The following EDEM3 variants were observed in gnomAD, a reference collection of about 807,000 sequenced individuals.
EDEM3 encodes the protein ER degradation enhancing alpha-mannosidase like protein 3.
A neutral mutation model predicts 110.2 loss-of-function variants in EDEM3; 60 were observed. The observed-to-expected ratio is 0.54, with a 90% CI of 0.44 to 0.67. The LOEUF (loss-of-function observed/expected upper bound fraction) is 0.67. EDEM3 is among the 30% of genes least tolerant of loss of function. EDEM3 has a pLI of 0.00. For missense variants in EDEM3, 996 were observed against 1,121.0 expected, an observed-to-expected ratio of 0.89 and a Z score of 1.59; for synonymous variants, 352 against 382.9, an observed-to-expected ratio of 0.92 and a Z score of 0.94.
intron 19 of EDEM3, among the ~76,000 whole-genome samples, chr1:184,699,222 T>G (rs2102057281): frequency 6.6e-6 from 1 of 151,972 alleles, no homozygotes; most frequent in African/African-American, 2.4e-5. Flanking sequence ...CATTAAATGT[T>G]TACTGAAAGC....
chr1:184,717,927 T>C (rs1650643199), intron 11 of EDEM3, among the ~76,000 whole-genome samples: 1 of 152,046 alleles, frequency 6.6e-6, no homozygotes, highest in African/African-American at 2.4e-5. Context: ...AATTGTGTTT[T>C]CTTTTTATCC....
intron 2 of EDEM3, among the ~76,000 whole-genome samples, chr1:184,746,674 G>A (rs1159703265): frequency 1.3e-5 from 2 of 152,152 alleles, no homozygotes; most frequent in Non-Finnish European, 2.9e-5. Context: ...CCATCTCAGG[G>A]TGTCCTGCTC....
intron 2 of EDEM3, among the ~76,000 whole-genome samples, chr1:184,747,232 T>A (rs773666153): frequency 7.2e-5 from 11 of 152,228 alleles, no homozygotes; most frequent in African/African-American, 1.2e-4. Context: ...AGAAAGACAC[T>A]GCTCAGATGG....
intron 5 of EDEM3, among the ~76,000 whole-genome samples, chr1:184,733,814 G>GA (rs1491413411): frequency 6.7e-6 from 1 of 149,420 alleles, no homozygotes; most frequent in African/African-American, 2.5e-5. Context: ...GCAACACAGC[G>GA]AGAGTCTGTC....
At chr1:184,695,850 A>G (rs1267852843) in intron 19 of EDEM3, among the ~76,000 whole-genome samples, 1 of 152,002 alleles carries the variant, frequency 6.6e-6, no homozygotes, top group Non-Finnish European at 1.5e-5. Context: ...AAATGTAGAC[A>G]TGCAGGAAGG....
intron 19 of EDEM3, among the ~76,000 whole-genome samples, 162 bp downstream of exon 19, chr1:184,702,646 ATTC>A (rs926645806): frequency 2.0e-5 from 3 of 152,198 alleles, no homozygotes; most frequent in Non-Finnish European, 2.9e-5. Context: ...ATGTTTTATT[ATTC>A]TTATTTCCAA....
At chr1:184,753,864 T>C (rs555352404) in intron 1 of EDEM3, among the ~76,000 whole-genome samples, 1 of 152,330 alleles carries the variant, frequency 6.6e-6, no homozygotes, top group Non-Finnish European at 1.5e-5. Context: ...AATTAAATGG[T>C]GTAAATAGAA....
At chr1:184,739,328 G>T (rs1652005921) in intron 2 of EDEM3, among the ~76,000 whole-genome samples, 2 of 146,960 alleles carry the variant, frequency 1.4e-5, no homozygotes, top group African/African-American at 5.0e-5. Context: ...AAATAATTAA[G>T]ATTAAAAGTA....
rs1277376110 is a variant in EDEM3 at position 184,692,086 on chromosome 1, T to C, written c.*1977A>G. On this transcript the variant is annotated 3_prime_UTR_variant, in exon 20 of 20. Coordinates refer to ENST00000318130, the MANE Select transcript of EDEM3 (RefSeq NM_025191.4). ...AAATACAAAATCAAATCCATGTATA[T>C]AAGGCTTCTGTAATCGATGTCTTAG... 3.9e-5 allele frequency: 6 copies of C among 152,136 alleles called. No individual in the cohort carries two copies. Among genetic ancestry groups the C allele is most frequent in the Admixed American group, 2.0e-4 (3 of 15,264 alleles). The allele number at this position is 152,136 out of a possible 1,614,324, so 9.4% of individuals were successfully genotyped here.
intron 2 of EDEM3, among the ~76,000 whole-genome samples, chr1:184,741,195 C>T (rs995871224): frequency 3.3e-5 from 5 of 151,982 alleles, no homozygotes; most frequent in African/African-American, 7.3e-5. Context: ...GTCAGGAGTT[C>T]GAGACTAGCC....
intron 16 of EDEM3, 31 bp from the exon 17 acceptor site, chr1:184,708,375 C>G: frequency 6.2e-7 from 1 of 1,604,690 alleles, no homozygotes; most frequent in Non-Finnish European, 8.5e-7. Flanking sequence ...TTTTATCCTT[C>G]CTTTCTGGAA....
At chr1:184,702,175 T>C (rs1273934758) in intron 19 of EDEM3, among the ~76,000 whole-genome samples, 1 of 152,200 alleles carries the variant, frequency 6.6e-6, no homozygotes, top group Non-Finnish European at 1.5e-5. Context: ...GCATTTATAT[T>C]GTAATTTGGG....
At chr1:184,729,505 G>A (rs889695273) in intron 6 of EDEM3, among the ~76,000 whole-genome samples, 1 of 152,160 alleles carries the variant, frequency 6.6e-6, no homozygotes, top group African/African-American at 2.4e-5. Context: ...TACAAAGTAC[G>A]TACTAGCTCT....
Position 184,693,816 on chromosome 1 carries a change from G to T in EDEM3, c.*247C>A, listed in dbSNP as rs1649187386. 2.5e-6 allele frequency: 1 copy of T among 404,484 alleles called. No homozygotes were observed. The highest frequency in any genetic ancestry group is 2.0e-5 in the African/African-American group (1 of 50,440). The allele number at this position is 404,484 out of a possible 1,614,324, so 25.1% of individuals were successfully genotyped here. On this transcript the variant is annotated 3_prime_UTR_variant, in exon 20 of 20. Transcript: ENST00000318130. Reference sequence around the variant, plus strand: ...CTTTCCCTGGCCTGAGGTGTTGCAGGGTGGTGCAGTGCTGCATTTGAAGGG... The same window carrying T: ...CTTTCCCTGGCCTGAGGTGTTGCAGTGTGGTGCAGTGCTGCATTTGAAGGG...
intron 19 of EDEM3, among the ~76,000 whole-genome samples, chr1:184,695,031 A>T (rs1169240400): frequency 6.6e-6 from 1 of 152,084 alleles, no homozygotes; most frequent in African/African-American, 2.4e-5. Flanking sequence ...AAGAACTGAG[A>T]TTATTCATAA....
chr1:184,754,832 C>G lies in EDEM3; in HGVS notation c.-186G>C. 3 of 930,376 alleles carry G rather than the reference C, an allele frequency of 3.2e-6. No individual in the cohort carries two copies. The highest frequency in any genetic ancestry group is 6.3e-5 in the East Asian group (2 of 31,914). 57.6% of individuals were successfully genotyped at this position (930,376 alleles called of 1,614,324 possible). A position where few individuals can be genotyped will look rare whatever the true frequency, so the allele number is the denominator to read the frequency against. The stretch of plus-strand genomic sequence containing the variant: ...CGGTCCCCAGCGCCAGCGCTGCCAC[C>G]GCCCTCCGCCCTCAGTATCCCGGAG... On this transcript the variant is annotated 5_prime_UTR_variant, in exon 1 of 20. Transcript: ENST00000318130.
At position 184,710,402 on chromosome 1, in the gene EDEM3, C is replaced by T; in HGVS notation, c.1837G>A (p.Ala613Thr). Residue 613 changes from alanine (A) to threonine (T), a missense_variant, in exon 16 of 20, where the codon GCA (alanine) becomes ACA (threonine). Coordinates refer to ENST00000318130, the MANE Select transcript of EDEM3 (RefSeq NM_025191.4). ...GTGTAGCAATGTCTTACTTGGATTG[C>T]ATGTTGGACCAACTGGACTCTCCCA... is the stretch of plus-strand genomic sequence containing the variant. ...KDGRVQLVQHAIQAASSIDAE... is the reference protein window; with the variant it reads ...KDGRVQLVQHTIQAASSIDAE... The T allele has an allele frequency of 6.2e-7, 1 of 1,613,658 alleles. No individual in the cohort carries two copies. Among genetic ancestry groups the T allele is most frequent in the Non-Finnish European group, 8.5e-7 (1 of 1,179,764 alleles).
intron 2 of EDEM3, among the ~76,000 whole-genome samples, chr1:184,742,993 C>CACACAT (rs1259292926): frequency 1.3e-5 from 2 of 152,138 alleles, no homozygotes; most frequent in African/African-American, 4.8e-5. Context: ...CACACAGACA[C>CACACAT]ACACATACCT....
chr1:184,696,929 C>T (rs754401798), intron 19 of EDEM3, among the ~76,000 whole-genome samples: 2 of 151,792 alleles, frequency 1.3e-5, no homozygotes, highest in South Asian at 2.1e-4. Flanking sequence ...CTGATGTAAT[C>T]GGACAAGAAA....
Sources: gnomAD v4.1 joint callset for allele counts (sites outside exome capture counted in the v4.1 genomes callset) on GRCh38, gnomAD v4.1.1 for gene constraint, MANE v1.5 for transcripts, NCBI Gene and HGNC (gene_info 2026-07-23, HGNC 2026-07-21) for gene names.